PRKN: variants seen among roughly 807,000 people sequenced by gnomAD.
The protein encoded by PRKN is E3 ubiquitin-protein ligase parkin.
PRKN carries 56 observed loss-of-function variants against 59.5 expected under a neutral mutation model. That is an observed-to-expected ratio of 0.94 (90% CI 0.76 to 1.18). The LOEUF is 1.18. Among genes scored for constraint, PRKN ranks in the 50% most tolerant of loss-of-function variants. PRKN has a pLI of 0.00. For synonymous variants in PRKN, 250 were observed against 222.1 expected (o/e 1.13, Z -1.12); for missense variants, 657 against 596.4 (o/e 1.10, Z -1.06).
chr6:161,879,147 C>A (rs1204129169), intron 6 of PRKN, among the ~76,000 whole-genome samples: 2 of 152,092 alleles, frequency 1.3e-5, no homozygotes, highest in African/African-American at 2.4e-5. Flanking sequence ...GGAAGCACTG[C>A]TAATTAACTG....
chr6:162,353,231 A>G (rs1784697797), intron 2 of PRKN, among the ~76,000 whole-genome samples: 1 of 152,106 alleles, frequency 6.6e-6, no homozygotes. Flanking sequence ...TGAAAGTCAC[A>G]CCATTAGAGT....
chr6:161,413,003 C>T lies in PRKN; in HGVS notation c.1084-26126G>A, dbSNP rs573760707. On this transcript the variant is annotated intron_variant, in intron 9 of 11. Coordinates refer to ENST00000366898, the MANE Select transcript of PRKN (RefSeq NM_004562.3). This position sits in a 1 kb window ranked among gnomAD's most constrained non-coding sequence, Gnocchi z 4.4. ...AGAAGGAACAGTAATCAGAGACAGGCTCTGTCTGCTCTTGCCTGCCTTCCT... is the reference window on the plus strand; with the variant it reads ...AGAAGGAACAGTAATCAGAGACAGGTTCTGTCTGCTCTTGCCTGCCTTCCT... Among the ~76,000 whole-genome samples the T allele has an allele frequency of 1.3e-5, 2 of 152,248 alleles. No individual in the cohort carries two copies. The highest frequency in any genetic ancestry group is 2.9e-5 in the Non-Finnish European group (2 of 68,048).
intron 6 of PRKN, among the ~76,000 whole-genome samples, chr6:161,844,984 C>T (rs958405315): frequency 6.6e-6 from 1 of 152,228 alleles, no homozygotes; most frequent in Non-Finnish European, 1.5e-5. Context: ...GTCCTTTACA[C>T]AGGTACAAAC....
chr6:162,364,552 A>C (rs1785319042), intron 2 of PRKN, among the ~76,000 whole-genome samples: 2 of 152,218 alleles, frequency 1.3e-5, no homozygotes, highest in Admixed American at 1.3e-4. Context: ...AGGGGCTTCA[A>C]ACATCAAAGA....
chr6:162,250,424 A>T (rs12175475), intron 3 of PRKN, among the ~76,000 whole-genome samples: 3,348 of 151,954 alleles, frequency 0.022, 62 homozygotes, highest in East Asian at 0.061. Flanking sequence ...TATCTCTCTC[A>T]CACACACACA....
intron 7 of PRKN, among the ~76,000 whole-genome samples, chr6:161,774,382 GCACA>G (rs3220723): frequency 0.068 from 8,927 of 130,512 alleles, 429 homozygotes; most frequent in African/African-American, 0.12. Flanking sequence ...TACTCCCTGA[GCACA>G]CACACACACA....
intron 9 of PRKN, among the ~76,000 whole-genome samples, chr6:161,418,458 C>T (rs986425085): frequency 6.6e-6 from 1 of 152,168 alleles, no homozygotes; most frequent in Admixed American, 6.6e-5. Flanking sequence ...TTCTTTTTAA[C>T]TCCAGTGTTG....
In PRKN at chr6:161,367,991, G is replaced by A. The variant is rs189941975; in HGVS notation, c.1168-7786C>T. On this transcript the variant is annotated intron_variant, in intron 10 of 11. Transcript: ENST00000366898. The stretch of plus-strand genomic sequence containing the variant: ...CAGAATCGGAGCCCCGAGCTGCCTG[G>A]GTTCATACTCCAGGCCCCTGCAGCC... 2.3e-4 allele frequency among the ~76,000 whole-genome samples: 35 copies of A among 152,174 alleles called. No homozygotes were observed. In the East Asian group the frequency reaches 6.2e-3, roughly 27 times the overall value.
intron 1 of PRKN, among the ~76,000 whole-genome samples, chr6:162,590,531 C>A (rs531116710): frequency 7.2e-5 from 11 of 152,128 alleles, no homozygotes; most frequent in African/African-American, 2.7e-4. Flanking sequence ...ATTGATCTTG[C>A]GGCTTTCTTG....
At chr6:161,630,141 G>A (rs1367911109) in intron 7 of PRKN, among the ~76,000 whole-genome samples, 1 of 152,172 alleles carries the variant, frequency 6.6e-6, no homozygotes, top group East Asian at 1.9e-4. Context: ...TTTTTACTGT[G>A]TACTAGAGTA....
At chr6:162,406,538 T>C (rs573814465) in intron 2 of PRKN, among the ~76,000 whole-genome samples, 4 of 152,346 alleles carry the variant, frequency 2.6e-5, no homozygotes, top group Non-Finnish European at 5.9e-5. Context: ...AAATATTCTA[T>C]GAAACACAAT....
intron 5 of PRKN, among the ~76,000 whole-genome samples, chr6:162,030,898 TCTC>T (rs1176769333): frequency 1.1e-4 from 16 of 152,076 alleles, no homozygotes; most frequent in Non-Finnish European, 2.9e-5. Flanking sequence ...GATCATTACC[TCTC>T]CTCAGCTCAC....
chr6:161,647,685 T>C lies in PRKN; in HGVS notation c.872-78269A>G, dbSNP rs182093265. Among the ~76,000 whole-genome samples, 46 of 152,300 alleles carry C rather than the reference T, an allele frequency of 3.0e-4. No individual in the cohort carries two copies. The East Asian group carries it at 8.3e-3, about 27-fold the overall frequency. ...CAAAATCCCATTGAGAAAAACATAT[T>C]AGTCATCTAAATGAAGAAGTTTGCT... is the stretch of plus-strand genomic sequence containing the variant. On this transcript the variant is annotated intron_variant, in intron 7 of 11. Transcript: ENST00000366898.
chr6:162,170,356 T>C (rs1783215350), intron 4 of PRKN, among the ~76,000 whole-genome samples: 1 of 152,194 alleles, frequency 6.6e-6, no homozygotes. Context: ...AAGCAGGAAG[T>C]TCACTTGAGC....
At chr6:162,692,532 A>G (rs1777815089) in intron 1 of PRKN, among the ~76,000 whole-genome samples, 1 of 151,570 alleles carries the variant, frequency 6.6e-6, no homozygotes, top group South Asian at 2.1e-4. Flanking sequence ...CTGAGTAACT[A>G]AAGTTACCCA....
Position 162,031,391 on chromosome 6 carries a change from C to T in PRKN, c.618+22700G>A, listed in dbSNP as rs528613282. Reference sequence around the variant, plus strand: ...ATTGGTTGAGCCCCATCCTCCACATCCCTCTCAACATCTAATCCTTTTTTT... The same window carrying T: ...ATTGGTTGAGCCCCATCCTCCACATTCCTCTCAACATCTAATCCTTTTTTT... On this transcript the variant is annotated intron_variant, in intron 5 of 11. Coordinates refer to ENST00000366898, the MANE Select transcript of PRKN (RefSeq NM_004562.3). Among the ~76,000 whole-genome samples the T allele has an allele frequency of 2.8e-5, 4 of 145,024 alleles. No individual in the cohort carries two copies. The South Asian group carries it at 6.3e-4, about 23-fold the overall frequency.
At chr6:162,160,660 A>T (rs1279840242) in intron 4 of PRKN, among the ~76,000 whole-genome samples, 1 of 152,072 alleles carries the variant, frequency 6.6e-6, no homozygotes, top group African/African-American at 2.4e-5. Context: ...TGAGAGAGAA[A>T]AAAAGACCAC....
chr6:161,770,043 T>A lies in PRKN; in HGVS notation c.871+15729A>T, dbSNP rs553288161. Among the ~76,000 whole-genome samples the A allele has an allele frequency of 5.9e-5, 9 of 152,250 alleles. No homozygotes were observed. The South Asian group carries it at 1.9e-3, about 32-fold the overall frequency. On this transcript the variant is annotated intron_variant, in intron 7 of 11. Coordinates refer to ENST00000366898, the MANE Select transcript of PRKN (RefSeq NM_004562.3). ...GCACCCCCAAGAAGATGCTTGAATC[T>A]TTACATTTACAAAGCACAGGAAAGT...
At chr6:162,018,658 T>G (rs1231002806) in intron 5 of PRKN, among the ~76,000 whole-genome samples, 1 of 152,200 alleles carries the variant, frequency 6.6e-6, no homozygotes, top group Non-Finnish European at 1.5e-5. Flanking sequence ...CATTTCAAAG[T>G]GATTTCTCAG....
Sources: allele counts gnomAD v4.1 joint callset (sites outside exome capture counted in the v4.1 genomes callset), GRCh38; gene constraint gnomAD v4.1.1; non-coding constraint Gnocchi (gnomAD v3.1); transcripts MANE v1.5; gene names NCBI Gene and HGNC (gene_info 2026-07-23, HGNC 2026-07-21).